The following ITPRID1 variants were observed in gnomAD, a reference collection of about 807,000 sequenced individuals.
ITPRID1 encodes ITPR interacting domain containing 1.
ITPRID1 carries 96 observed loss-of-function variants against 95.4 expected under a neutral mutation model. The observed-to-expected ratio is 1.01, with a 90% CI of 0.85 to 1.19. The LOEUF is 1.19. Among genes scored for constraint, ITPRID1 ranks in the 50% most tolerant of loss-of-function variants. The pLI is 0.00. For missense variants in ITPRID1, 1,339 were observed against 1,252.9 expected, an observed-to-expected ratio of 1.07 and a Z score of -1.04; for synonymous variants, 510 against 453.6, an observed-to-expected ratio of 1.12 and a Z score of -1.58.
Position 31,652,018 on chromosome 7 carries a change from C to T in ITPRID1, c.2791C>T (p.Arg931Trp), listed in dbSNP as rs531048507. 37 of 1,602,968 alleles carry T rather than the reference C, an allele frequency of 2.3e-5. No individual in the cohort carries two copies. The highest frequency in any genetic ancestry group is 1.0e-4 in the Admixed American group (6 of 58,626). The change falls in exon 14 of 15, where the codon CGG becomes TGG. Residue 931 changes from arginine to tryptophan, a missense_variant. Arg to Trp is a moderately radical substitution (Grantham distance 101). Coordinates refer to ENST00000615280, the MANE Select transcript of ITPRID1 (RefSeq NM_001257967.3). ...AGAGTTGGAATTTCAGTTAGGAGAC[C>T]GGGCTCAGCAAATCAGAGAAGGGAT... is the stretch of plus-strand genomic sequence containing the variant. ...VAELEFQLGD[R>W]AQQIREGILL... is the part of the protein sequence containing the mutation.
chr7:31,622,610 G>C (rs1788022713), intron 10 of ITPRID1, among the ~76,000 whole-genome samples: 1 of 151,958 alleles, frequency 6.6e-6, no homozygotes, highest in South Asian at 2.1e-4. Flanking sequence ...TCAAAGCACT[G>C]TGTAGAGGGA....
At chr7:31,574,775 G>T (rs774808136) in intron 8 of ITPRID1, 33 bp downstream of exon 8, 1 of 1,603,456 alleles carries the variant, frequency 6.2e-7, no homozygotes, top group African/African-American at 1.3e-5. Flanking sequence ...TCGCATCTCA[G>T]CATTGGGAAT....
chr7:31,631,098 T>C (rs1228700126), intron 10 of ITPRID1, among the ~76,000 whole-genome samples: 1 of 152,228 alleles, frequency 6.6e-6, no homozygotes, highest in African/African-American at 2.4e-5. Context: ...TTTTAAGGTA[T>C]ACCATTGTCA....
At chr7:31,604,422 T>G (rs1361238522) in intron 10 of ITPRID1, among the ~76,000 whole-genome samples, 1 of 152,194 alleles carries the variant, frequency 6.6e-6, no homozygotes. Flanking sequence ...TAGCAAAAAA[T>G]TTAATGTTGC....
At chr7:31,569,874 T>C (rs1784925527) in intron 6 of ITPRID1, 65 bp downstream of exon 6, 4 of 1,381,554 alleles carry the variant, frequency 2.9e-6, no homozygotes, top group South Asian at 1.3e-5. Flanking sequence ...CTGAATAAAA[T>C]AGAAGTAGGG....
chr7:31,614,140 C>T (rs978807779), intron 10 of ITPRID1, among the ~76,000 whole-genome samples: 3 of 152,144 alleles, frequency 2.0e-5, no homozygotes, highest in African/African-American at 4.8e-5. Flanking sequence ...CCAGATATTA[C>T]GGAGTCTTAG....
chr7:31,561,317 G>A (rs1269896557), intron 5 of ITPRID1, among the ~76,000 whole-genome samples: 4 of 152,156 alleles, frequency 2.6e-5, no homozygotes, highest in Non-Finnish European at 5.9e-5. Flanking sequence ...AGCCAGGTGT[G>A]ATGGGAATGA....
At chr7:31,574,475 G>T in intron 7 of ITPRID1, 65 bp from the exon 8 acceptor site, 2 of 1,444,636 alleles carry the variant, frequency 1.4e-6, no homozygotes, top group South Asian at 1.2e-5. Flanking sequence ...TGGATGAGGT[G>T]ACCAGAAAAA....
intron 10 of ITPRID1, among the ~76,000 whole-genome samples, chr7:31,631,773 C>G (rs375772045): frequency 6.6e-6 from 1 of 152,202 alleles, no homozygotes; most frequent in African/African-American, 2.4e-5. Flanking sequence ...TCAAATGTTA[C>G]GTAGAAATCT....
intron 10 of ITPRID1, among the ~76,000 whole-genome samples, chr7:31,587,994 A>C (rs1435751277): frequency 1.3e-5 from 2 of 152,220 alleles, no homozygotes; most frequent in Non-Finnish European, 2.9e-5. Flanking sequence ...TTTAGGAATT[A>C]ATATTCTCAG....
At chr7:31,539,854 A>C (rs977579847) in intron 1 of ITPRID1, among the ~76,000 whole-genome samples, 5 of 151,556 alleles carry the variant, frequency 3.3e-5, no homozygotes, top group African/African-American at 1.2e-4. Flanking sequence ...CTTGGGGCTG[A>C]TATCTCTCTG....
At chr7:31,557,611 C>T (rs1054070203) in intron 5 of ITPRID1, among the ~76,000 whole-genome samples, 2 of 152,168 alleles carry the variant, frequency 1.3e-5, no homozygotes, top group African/African-American at 4.8e-5. Flanking sequence ...GCACTTCAGC[C>T]TCTTCATCAG....
In ITPRID1 at chr7:31,580,683, CAT is replaced by C. The variant is rs377358385; in HGVS notation, c.1170+2250_1170+2251del. Reference sequence around the variant, plus strand: ...CACCAAAATAAAGCAAACAAAATCACATGTTTCTTCGGCACATAGTAGGTACT... The same window carrying C: ...CACCAAAATAAAGCAAACAAAATCACGTTTCTTCGGCACATAGTAGGTACT... On this transcript the variant is annotated intron_variant, in intron 9 of 14. Coordinates refer to ENST00000615280, the MANE Select transcript of ITPRID1 (RefSeq NM_001257967.3). Among the ~76,000 whole-genome samples, 816 of 152,228 alleles carry C rather than the reference CAT, an allele frequency of 5.4e-3. 8 individuals are homozygous for C. The highest frequency in any genetic ancestry group is 0.019 in the African/African-American group (782 of 41,556).
chr7:31,642,053 T>C, intron 10 of ITPRID1, 123 bp from the exon 11 acceptor site: 1 of 532,908 alleles, frequency 1.9e-6, no homozygotes, highest in East Asian at 3.2e-5. Flanking sequence ...ATTTGTTTTT[T>C]CTTCCACACA....
At position 31,524,727 on chromosome 7, in the gene ITPRID1, C is replaced by A. The variant is rs186264309; in HGVS notation, c.-98+10607C>A. Among the ~76,000 whole-genome samples the A allele has an allele frequency of 2.1e-3, 322 of 152,218 alleles. 1 individual carries two copies. The highest frequency in any genetic ancestry group is 3.7e-3 in the Non-Finnish European group (253 of 68,022). ...GCTTTTTTATATGTTTTGAATTGGCCTGCTTCTAAAAAATTTTATTCACCT... is the reference window on the plus strand; with the variant it reads ...GCTTTTTTATATGTTTTGAATTGGCATGCTTCTAAAAAATTTTATTCACCT... On this transcript the variant is annotated intron_variant, in intron 1 of 14. Transcript: ENST00000615280.
intron 8 of ITPRID1, among the ~76,000 whole-genome samples, chr7:31,575,326 T>G (rs1236681000): frequency 6.6e-6 from 1 of 152,214 alleles, no homozygotes; most frequent in Non-Finnish European, 1.5e-5. Context: ...GTTTATACCT[T>G]GAGCTGTAAG....
rs183109888 is a variant in ITPRID1 at position 31,637,004 on chromosome 7, C to A, written c.1229-5172C>A. Among the ~76,000 whole-genome samples, 66 of 150,946 alleles carry A rather than the reference C, an allele frequency of 4.4e-4. No individual in the cohort carries two copies. The Middle Eastern group carries it at 0.01, about 24-fold the overall frequency. The stretch of plus-strand genomic sequence containing the variant: ...TGCGGTGTTTGGTTTTTCATCCTTG[C>A]GATAGTTTGCTGAGAATGATGGTTT... On this transcript the variant is annotated intron_variant, in intron 10 of 14. Transcript: ENST00000615280.
At chr7:31,615,299 C>G (rs955331362) in intron 10 of ITPRID1, among the ~76,000 whole-genome samples, 1 of 152,080 alleles carries the variant, frequency 6.6e-6, no homozygotes, top group Admixed American at 6.6e-5. Flanking sequence ...ATAAGTATTA[C>G]TTGTGTAATC....
At chr7:31,589,997 A>C (rs1785791562) in intron 10 of ITPRID1, among the ~76,000 whole-genome samples, 1 of 152,192 alleles carries the variant, frequency 6.6e-6, no homozygotes, top group African/African-American at 2.4e-5. Context: ...AAAGCAGACA[A>C]AAAATGAGAG....
Sources: allele counts gnomAD v4.1 joint callset (sites outside exome capture counted in the v4.1 genomes callset), GRCh38; gene constraint gnomAD v4.1.1; transcripts MANE v1.5; gene names NCBI Gene and HGNC (gene_info 2026-07-23, HGNC 2026-07-21).